WDR35: variants seen among roughly 807,000 people sequenced by gnomAD.
WDR35 encodes the protein WD repeat domain 35, also known as WD repeat-containing protein 35.
In WDR35, 118 loss-of-function variants were observed where a neutral mutation model predicts 158.3. That is an observed-to-expected ratio of 0.75 (90% CI 0.64 to 0.87). The LOEUF (loss-of-function observed/expected upper bound fraction) is 0.87, where lower values mean the gene tolerates loss of function less well. WDR35 is among the 40% of genes least tolerant of loss of function. The pLI is 0.00. For synonymous variants in WDR35, 448 were observed against 476.1 expected, an observed-to-expected ratio of 0.94 and a Z score of 0.77; for missense variants, 1,263 against 1,405.8, an observed-to-expected ratio of 0.90 and a Z score of 1.62.
chr2:19,959,294 C>A (rs1335765282), intron 11 of WDR35, among the ~76,000 whole-genome samples: 2 of 152,016 alleles, frequency 1.3e-5, no homozygotes, highest in Non-Finnish European at 2.9e-5. Flanking sequence ...AACCCTATCA[C>A]CATTATGATT....
At chr2:19,956,699 C>G (rs958872353) in intron 11 of WDR35, among the ~76,000 whole-genome samples, 2 of 149,338 alleles carry the variant, frequency 1.3e-5, no homozygotes, top group Admixed American at 1.4e-4. Flanking sequence ...CGACTCACTG[C>G]AAGCTCCGCC....
intron 25 of WDR35, among the ~76,000 whole-genome samples, chr2:19,923,314 G>A (rs7574119): frequency 0.31 from 47,567 of 152,028 alleles, 8,400 homozygotes; most frequent in Middle Eastern, 0.46. Flanking sequence ...TGGAGCAACA[G>A]TTGGAGAACG....
chr2:19,987,896 A>ATC (rs1032902523), intron 2 of WDR35, among the ~76,000 whole-genome samples: 11 of 150,756 alleles, frequency 7.3e-5, no homozygotes, highest in African/African-American at 2.4e-4. Flanking sequence ...ACACATATAT[A>ATC]TATATACACA....
chr2:19,919,491 A>G (rs1239709932), intron 25 of WDR35, among the ~76,000 whole-genome samples: 1 of 152,180 alleles, frequency 6.6e-6, no homozygotes, highest in African/African-American at 2.4e-5. Flanking sequence ...ACTACTGGGC[A>G]AATAACGAAA....
intron 24 of WDR35, among the ~76,000 whole-genome samples, chr2:19,930,847 ATTT>A (rs1670504288): frequency 6.6e-6 from 1 of 152,126 alleles, no homozygotes; most frequent in African/African-American, 2.4e-5. Flanking sequence ...AACAGATTTA[ATTT>A]TTTATTATAA....
chr2:19,962,241 A>C, intron 10 of WDR35: 1 of 1,605,244 alleles, frequency 6.2e-7, no homozygotes, highest in South Asian at 1.1e-5. Flanking sequence ...CTATAACCTC[A>C]AAACTCATTT....
intron 11 of WDR35, 26 bp from the exon 12 acceptor site, chr2:19,954,004 T>A (rs746510470): frequency 1.1e-5 from 18 of 1,613,498 alleles, no homozygotes; most frequent in Non-Finnish European, 1.5e-5. Context: ...TTAAGATAAT[T>A]TACAGTTACA....
Position 19,946,576 on chromosome 2 carries a change from G to A in WDR35, c.1525-6C>T. 1 of 1,612,186 alleles carries A rather than the reference G, an allele frequency of 6.2e-7. No individual in the cohort carries two copies. The highest frequency in any genetic ancestry group is 8.5e-7 in the Non-Finnish European group (1 of 1,178,538). ...ATGGTGCCAGATTCACGACCCTATG[G>A]AAATTACTTTTGATTACTTAAGCAT... On this transcript the variant is annotated splice_region_variant and splice_polypyrimidine_tract_variant and intron_variant, in intron 14 of 26. Coordinates refer to ENST00000281405, the MANE Select transcript of WDR35 (RefSeq NM_020779.4).
chr2:19,972,117 C>T (rs1672052424), intron 8 of WDR35, among the ~76,000 whole-genome samples: 1 of 152,182 alleles, frequency 6.6e-6, no homozygotes, highest in South Asian at 2.1e-4. Flanking sequence ...AAAGCAAATT[C>T]TTCTCTGAGG....
chr2:19,956,911 G>A (rs975362270), intron 11 of WDR35, among the ~76,000 whole-genome samples: 6 of 152,308 alleles, frequency 3.9e-5, no homozygotes, highest in African/African-American at 1.2e-4. Context: ...GAGCCACCGC[G>A]CCCGGCCAAT....
intron 25 of WDR35, among the ~76,000 whole-genome samples, chr2:19,923,409 A>T (rs144077698): frequency 0.011 from 1,712 of 152,288 alleles, 12 homozygotes; most frequent in Non-Finnish European, 0.017. Flanking sequence ...TCAGGGTAAC[A>T]ATGGGAAAAG....
intron 11 of WDR35, among the ~76,000 whole-genome samples, chr2:19,959,516 T>C (rs1671562775): frequency 6.6e-6 from 1 of 152,020 alleles, no homozygotes; most frequent in East Asian, 1.9e-4. Flanking sequence ...CATATAAACA[T>C]GCCTATGTAG....
chr2:19,983,200 C>T (rs182102753), intron 2 of WDR35, among the ~76,000 whole-genome samples: 160 of 152,228 alleles, frequency 1.1e-3, no homozygotes, highest in African/African-American at 3.8e-3. Flanking sequence ...GATATTTAAG[C>T]TGAGACTGAG....
chr2:19,980,585 T>C, intron 4 of WDR35, 106 bp downstream of exon 4: 1 of 885,792 alleles, frequency 1.1e-6, no homozygotes. Flanking sequence ...GAACTCCTGT[T>C]GTTAGTAAAA....
At chr2:19,978,642 G>A (rs1232391120) in intron 5 of WDR35, 109 bp downstream of exon 5, 1 of 1,483,758 alleles carries the variant, frequency 6.7e-7, no homozygotes, top group Non-Finnish European at 9.3e-7. Flanking sequence ...TCCCTTTTAT[G>A]TCTATTTTTC....
intron 25 of WDR35, among the ~76,000 whole-genome samples, chr2:19,924,124 G>A (rs1670275324): frequency 6.6e-6 from 1 of 152,162 alleles, no homozygotes; most frequent in Non-Finnish European, 1.5e-5. Flanking sequence ...GCAGGATGAT[G>A]CCATAGAACA....
At chr2:19,982,261 C>T (rs1056041687) in intron 3 of WDR35, among the ~76,000 whole-genome samples, 2 of 152,132 alleles carry the variant, frequency 1.3e-5, no homozygotes, top group African/African-American at 2.4e-5. Flanking sequence ...GGCAGAGCTA[C>T]GATGTTCAGT....
chr2:19,969,353 A>G, intron 9 of WDR35, 127 bp downstream of exon 9: 1 of 1,007,790 alleles, frequency 9.9e-7, no homozygotes, highest in Non-Finnish European at 1.4e-6. Flanking sequence ...TAGTTCTAAA[A>G]TCTTCACACA....
intron 25 of WDR35, 142 bp downstream of exon 25, chr2:19,930,254 T>A: frequency 8.3e-7 from 1 of 1,205,356 alleles, no homozygotes; most frequent in Non-Finnish European, 1.2e-6. Flanking sequence ...AAAATGGGAA[T>A]GCATAAGACT....
Sources: allele counts gnomAD v4.1 joint callset (sites outside exome capture counted in the v4.1 genomes callset), GRCh38; gene constraint gnomAD v4.1.1; transcripts MANE v1.5; gene names NCBI Gene and HGNC (gene_info 2026-07-23, HGNC 2026-07-21).